Variants in EML4 observed in about 807,000 individuals in gnomAD.
EML4 encodes the protein echinoderm microtubule-associated protein-like 4.
EML4 carries 72 observed loss-of-function variants against 129.0 expected under a neutral mutation model. That is an observed-to-expected ratio of 0.56 (90% CI 0.46 to 0.68). The LOEUF is 0.68. Ranked by LOEUF, EML4 falls within the 30% of genes least tolerant of loss-of-function variation. The pLI is 0.00. For missense variants in EML4, 1,363 were observed against 1,190.6 expected (o/e 1.14, Z -2.13); for synonymous variants, 532 against 405.0 (o/e 1.31, Z -3.77).
At chr2:42,171,145 A>G (rs1275605182) in intron 1 of EML4, among the ~76,000 whole-genome samples, 1 of 152,146 alleles carries the variant, frequency 6.6e-6, no homozygotes, top group Admixed American at 6.5e-5. Context: ...AGAGACATCC[A>G]TTTTTCCCTG....
At chr2:42,174,603 T>A (rs571969580) in intron 1 of EML4, among the ~76,000 whole-genome samples, 1 of 152,158 alleles carries the variant, frequency 6.6e-6, no homozygotes, top group African/African-American at 2.4e-5. Context: ...CTGTAGTATA[T>A]TTGTATGTCG....
chr2:42,266,060 A>G (rs529291031), intron 6 of EML4, among the ~76,000 whole-genome samples: 37 of 152,220 alleles, frequency 2.4e-4, no homozygotes, highest in Admixed American at 2.0e-3. Flanking sequence ...CTGTTCTATT[A>G]TAGTAACCAG....
chr2:42,186,275 A>C (rs746124287), intron 1 of EML4, among the ~76,000 whole-genome samples: 2 of 152,294 alleles, frequency 1.3e-5, no homozygotes, highest in East Asian at 3.9e-4. Context: ...TGTATTAAGC[A>C]CAGGTTTGTT....
At chr2:42,194,347 C>CTCT (rs369739234) in intron 1 of EML4, among the ~76,000 whole-genome samples, 2 of 126,822 alleles carry the variant, frequency 1.6e-5, no homozygotes, top group East Asian at 2.3e-4. Context: ...CTCTCTCTCT[C>CTCT]TTTTTTTTTT....
intron 1 of EML4, among the ~76,000 whole-genome samples, chr2:42,188,595 G>C (rs768807417): frequency 6.6e-6 from 1 of 151,908 alleles, no homozygotes; most frequent in Non-Finnish European, 1.5e-5. Flanking sequence ...ACCCAGGCTG[G>C]AGTGCAGTGG....
chr2:42,286,015 A>G, intron 9 of EML4: 1 of 520,822 alleles, frequency 1.9e-6, no homozygotes, highest in Non-Finnish European at 3.5e-6. Context: ...ATAGGATTAA[A>G]TGAATTAATA....
At chr2:42,245,769 T>C in intron 2 of EML4, 82 bp downstream of exon 2, 2 of 1,301,662 alleles carry the variant, frequency 1.5e-6, no homozygotes, top group Non-Finnish European at 2.1e-6. Context: ...ATAAAACTAG[T>C]TTCTTATGTG....
chr2:42,208,841 G>T (rs1672719949), intron 1 of EML4, among the ~76,000 whole-genome samples: 1 of 149,892 alleles, frequency 6.7e-6, no homozygotes. Flanking sequence ...CAAATTTAAA[G>T]CTTGGTAAAT....
intron 1 of EML4, among the ~76,000 whole-genome samples, chr2:42,186,645 G>A (rs1000498188): frequency 2.6e-5 from 4 of 152,250 alleles, no homozygotes; most frequent in Non-Finnish European, 4.4e-5. Context: ...CTGCTCCTTT[G>A]GGGATTTGTC....
intron 9 of EML4, among the ~76,000 whole-genome samples, chr2:42,285,538 G>T (rs1667246709): frequency 6.6e-6 from 1 of 151,816 alleles, no homozygotes; most frequent in Non-Finnish European, 1.5e-5. Flanking sequence ...AATACTAAAA[G>T]CAAAAGTATC....
chr2:42,264,824 C>G (rs762847086), intron 6 of EML4, 93 bp downstream of exon 6: 1 of 1,391,792 alleles, frequency 7.2e-7, no homozygotes, highest in East Asian at 2.5e-5. Flanking sequence ...TGCACTTTAT[C>G]AGTTCATAGT....
rs1191921147 is a variant in EML4 at position 42,304,478 on chromosome 2, T to C, written c.1900-6T>C. On this transcript the variant is annotated splice_polypyrimidine_tract_variant and splice_region_variant and intron_variant, in intron 16 of 22. Transcript: ENST00000318522. ...ACTCCCCAACAGCTGTCTGTCTCTTTTCTAGGAACCAGGACACTGTGCAGA... is the reference window on the plus strand; with the variant it reads ...ACTCCCCAACAGCTGTCTGTCTCTTCTCTAGGAACCAGGACACTGTGCAGA... The C allele has an allele frequency of 1.2e-6, 2 of 1,613,794 alleles. No individual in the cohort carries two copies. Among genetic ancestry groups the C allele is most frequent in the Admixed American group, 3.3e-5 (2 of 60,020 alleles).
Position 42,330,418 on chromosome 2 carries a change from A to G in EML4, c.*211A>G, listed in dbSNP as rs1670045697. On this transcript the variant is annotated 3_prime_UTR_variant, in exon 23 of 23. Transcript: ENST00000318522. ...TGTTTATTGAAAATTAACCAAACTT[A>G]ATACTAGGAGAAGACTGAATCATTA... is the stretch of plus-strand genomic sequence containing the variant. 1 of 639,756 alleles carries G rather than the reference A, an allele frequency of 1.6e-6. No individual in the cohort carries two copies. The highest frequency in any genetic ancestry group is 2.8e-6 in the Non-Finnish European group (1 of 353,396). 39.6% of individuals were successfully genotyped at this position (639,756 alleles called of 1,614,324 possible). A position where few individuals can be genotyped will look rare whatever the true frequency, so the allele number is the denominator to read the frequency against.
chr2:42,221,646 C>G (rs1673606151), intron 1 of EML4, among the ~76,000 whole-genome samples: 1 of 151,822 alleles, frequency 6.6e-6, no homozygotes, highest in African/African-American at 2.4e-5. Context: ...TCTTGTTGCC[C>G]AAGCTGGAAT....
intron 4 of EML4, chr2:42,261,533 T>A (rs1260346524): frequency 6.0e-6 from 2 of 331,018 alleles, no homozygotes; most frequent in South Asian, 1.3e-4. Flanking sequence ...ATAAACAATC[T>A]GATGAAAAGA....
intron 1 of EML4, among the ~76,000 whole-genome samples, chr2:42,211,849 T>C (rs986070986): frequency 2.2e-4 from 34 of 152,164 alleles, no homozygotes; most frequent in Non-Finnish European, 4.9e-4. Context: ...TTTCTTTCTT[T>C]CTTTTTTTAT....
chr2:42,262,236 C>T (rs1032453064), intron 4 of EML4, among the ~76,000 whole-genome samples: 1 of 152,074 alleles, frequency 6.6e-6, no homozygotes, highest in Non-Finnish European at 1.5e-5. Flanking sequence ...ACCAAAATAC[C>T]CTTCACTTGA....
chr2:42,241,007 G>A (rs1674994622), intron 1 of EML4, among the ~76,000 whole-genome samples: 1 of 152,108 alleles, frequency 6.6e-6, no homozygotes. Context: ...AGCTGGGTGT[G>A]GTGGCATGCG....
chr2:42,238,194 A>G (rs927211675), intron 1 of EML4, among the ~76,000 whole-genome samples: 8 of 152,206 alleles, frequency 5.3e-5, no homozygotes, highest in African/African-American at 1.7e-4. Context: ...AGATATTCCA[A>G]AATCTGAAAA....
Sources: allele counts gnomAD v4.1 joint callset (sites outside exome capture counted in the v4.1 genomes callset), GRCh38; gene constraint gnomAD v4.1.1; transcripts MANE v1.5; gene names NCBI Gene and HGNC (gene_info 2026-07-23, HGNC 2026-07-21).